The following ZCWPW2 variants were observed in gnomAD, a reference collection of about 807,000 sequenced individuals.
ZCWPW2 encodes zinc finger CW-type PWWP domain protein 2.
In ZCWPW2, 45 loss-of-function variants were observed where a neutral mutation model predicts 46.6. The observed-to-expected ratio is 0.96, with a 90% confidence interval of 0.76 to 1.24. ZCWPW2 has a LOEUF of 1.24. Among genes scored for constraint, ZCWPW2 ranks in the 50% most tolerant of loss-of-function variants. The pLI, the probability that ZCWPW2 is intolerant of heterozygous loss-of-function variation, is 0.00. For synonymous variants in ZCWPW2, 152 were observed against 137.1 expected (o/e 1.11, Z -0.76); for missense variants, 429 against 403.9 (o/e 1.06, Z -0.53).
At chr3:28,376,614 T>C (rs1371123081) in intron 1 of ZCWPW2, among the ~76,000 whole-genome samples, 1 of 152,152 alleles carries the variant, frequency 6.6e-6, no homozygotes, top group African/African-American at 2.4e-5. Flanking sequence ...TTCACTTCTC[T>C]TTGGACACAG....
intron 1 of ZCWPW2, among the ~76,000 whole-genome samples, chr3:28,362,344 G>T (rs1454874927): frequency 3.9e-5 from 6 of 151,978 alleles, no homozygotes; most frequent in Non-Finnish European, 7.4e-5. Flanking sequence ...CACAGAATGG[G>T]AGATATTATC....
At chr3:28,466,171 A>G (rs1272263306) in intron 4 of ZCWPW2, among the ~76,000 whole-genome samples, 1 of 152,140 alleles carries the variant, frequency 6.6e-6, no homozygotes, top group Non-Finnish European at 1.5e-5. Flanking sequence ...ACCAGGGCCT[A>G]CTTGAGGCAA....
chr3:28,424,159 T>G (rs1011863175), intron 3 of ZCWPW2, among the ~76,000 whole-genome samples: 1 of 151,992 alleles, frequency 6.6e-6, no homozygotes, highest in African/African-American at 2.4e-5. Flanking sequence ...TTTTCATTCA[T>G]GTTCAACTAT....
At chr3:28,470,935 T>C (rs1575173335) in intron 4 of ZCWPW2, among the ~76,000 whole-genome samples, 2 of 152,084 alleles carry the variant, frequency 1.3e-5, no homozygotes, top group South Asian at 4.1e-4. Context: ...TTACAATCAA[T>C]ACTACAGAAA....
rs559400521 is a variant in ZCWPW2, at chr3:28,457,951, GATTA to G, written c.493-20859_493-20856del. Among the ~76,000 whole-genome samples, 8 of 152,212 alleles carry G rather than the reference GATTA, an allele frequency of 5.3e-5. No homozygotes were observed. In the South Asian group the frequency reaches 1.4e-3, roughly 28 times the overall value. ...ATTGGTGATTTAAGTTTTTAACTAT[GATTA>G]ATTGTCCTAAAATTTTTTTCCTAAG... On this transcript the variant is annotated intron_variant, in intron 4 of 9. Coordinates refer to ENST00000383768, the MANE Select transcript of ZCWPW2 (RefSeq NM_001040432.4).
At chr3:28,424,009 T>G (rs531965804) in intron 3 of ZCWPW2, among the ~76,000 whole-genome samples, 1 of 152,288 alleles carries the variant, frequency 6.6e-6, no homozygotes, top group African/African-American at 2.4e-5. Context: ...ATAGTTGCCC[T>G]ACCTGTATTT....
intron 2 of ZCWPW2, among the ~76,000 whole-genome samples, chr3:28,399,316 C>T (rs765432154): frequency 6.6e-6 from 1 of 152,104 alleles, no homozygotes; most frequent in African/African-American, 2.4e-5. Flanking sequence ...ACATGCCTAG[C>T]CTTACCCCCA....
chr3:28,393,654 T>G (rs148515612), intron 2 of ZCWPW2, among the ~76,000 whole-genome samples: 1 of 152,270 alleles, frequency 6.6e-6, no homozygotes, highest in East Asian at 1.9e-4. Context: ...TGAATAAATG[T>G]TATATGCCAC....
At chr3:28,357,891 G>A (rs115896836) in intron 1 of ZCWPW2, among the ~76,000 whole-genome samples, 3,949 of 150,000 alleles carry the variant, frequency 0.026, 78 homozygotes, top group Non-Finnish European at 0.04. Context: ...ATACTTTGTA[G>A]TAATTACAAA....
intron 1 of ZCWPW2, among the ~76,000 whole-genome samples, chr3:28,363,668 T>A (rs1163471812): frequency 6.6e-6 from 1 of 152,106 alleles, no homozygotes; most frequent in African/African-American, 2.4e-5. Flanking sequence ...TACCACTATT[T>A]ACCTGTGCTA....
rs762613772 is a variant in ZCWPW2 at position 28,435,097 on chromosome 3, TTTC to T, written c.333-10_333-8del. On this transcript the variant is annotated splice_polypyrimidine_tract_variant and intron_variant, in intron 3 of 9. Transcript: ENST00000383768. ...AAAGCATCAAAATAATTACAAATATTTTCTTTTGAAAGTTGGCCAGGAATACTT... is the reference window on the plus strand; with the variant it reads ...AAAGCATCAAAATAATTACAAATATTTTTTGAAAGTTGGCCAGGAATACTT... 2 of 1,604,430 alleles carry T rather than the reference TTTC, an allele frequency of 1.2e-6. No individual in the cohort carries two copies. Among genetic ancestry groups the T allele is most frequent in the South Asian group, 2.3e-5 (2 of 88,348 alleles).
At chr3:28,416,816 G>A (rs1472197766) in intron 3 of ZCWPW2, among the ~76,000 whole-genome samples, 1 of 111,514 alleles carries the variant, frequency 9.0e-6, no homozygotes, top group Non-Finnish European at 1.8e-5. Flanking sequence ...GCTGGAGTAC[G>A]TTTATTGATT....
At chr3:28,479,997 A>G (rs190366914) in intron 5 of ZCWPW2, among the ~76,000 whole-genome samples, 2 of 152,126 alleles carry the variant, frequency 1.3e-5, no homozygotes, top group Admixed American at 6.5e-5. Flanking sequence ...AGGTTGAGTC[A>G]TTGTCTTTGC....
chr3:28,453,876 G>A (rs571183955), intron 4 of ZCWPW2, among the ~76,000 whole-genome samples: 26 of 145,690 alleles, frequency 1.8e-4, no homozygotes, highest in African/African-American at 5.8e-4. Flanking sequence ...ACGGAGTCTC[G>A]CTCTGTCGCC....
chr3:28,354,116 T>A (rs1473634466), intron 1 of ZCWPW2, among the ~76,000 whole-genome samples: 1 of 152,046 alleles, frequency 6.6e-6, no homozygotes, highest in Non-Finnish European at 1.5e-5. Flanking sequence ...CCAGTCACAT[T>A]GACAAAGAGC....
At chr3:28,399,359 G>A (rs1428790172) in intron 2 of ZCWPW2, among the ~76,000 whole-genome samples, 6 of 151,994 alleles carry the variant, frequency 3.9e-5, no homozygotes, top group East Asian at 1.9e-4. Flanking sequence ...CCCTGGTAAC[G>A]GAAGACAAAT....
chr3:28,379,138 C>T (rs1394059955), intron 1 of ZCWPW2, among the ~76,000 whole-genome samples: 1 of 152,072 alleles, frequency 6.6e-6, no homozygotes, highest in Non-Finnish European at 1.5e-5. Flanking sequence ...ATAGCAAACC[C>T]TCAAGAAAAA....
chr3:28,496,528 T>C (rs1699995442), intron 6 of ZCWPW2, among the ~76,000 whole-genome samples: 1 of 151,994 alleles, frequency 6.6e-6, no homozygotes, highest in Non-Finnish European at 1.5e-5. Flanking sequence ...CTTAATTAGT[T>C]TTTCTTAGTT....
chr3:28,370,342 A>G (rs1409195390), intron 1 of ZCWPW2, among the ~76,000 whole-genome samples: 2 of 152,210 alleles, frequency 1.3e-5, no homozygotes, highest in African/African-American at 2.4e-5. Context: ...CCTAAACTGG[A>G]GATCTAAATA....
Sources: gnomAD v4.1 joint callset for allele counts (sites outside exome capture counted in the v4.1 genomes callset) on GRCh38, gnomAD v4.1.1 for gene constraint, MANE v1.5 for transcripts, NCBI Gene and HGNC (gene_info 2026-07-23, HGNC 2026-07-21) for gene names.